Variants in TENM4 observed in about 807,000 individuals in gnomAD.
TENM4 encodes the protein teneurin-4.
Under a neutral mutation model 243.3 loss-of-function variants are expected in TENM4, and 82 were observed. That is an observed-to-expected ratio of 0.34 (90% CI 0.28 to 0.40). The LOEUF is 0.40. Ranked by LOEUF, TENM4 falls within the 10% of genes least tolerant of loss-of-function variation. TENM4 has a pLI of 1.00. For missense variants in TENM4, 3,138 were observed against 3,673.3 expected (o/e 0.85, Z 3.77); for synonymous variants, 1,412 against 1,456.3 (o/e 0.97, Z 0.69).
Position 78,699,190 on chromosome 11 carries a change from A to T in TENM4, c.5087+2336T>A, listed in dbSNP as rs1427598291. Among the ~76,000 whole-genome samples the T allele has an allele frequency of 2.6e-5, 4 of 152,352 alleles. No individual in the cohort carries two copies. In the East Asian group the frequency reaches 7.7e-4, roughly 29 times the overall value. ...GCTATCATTTGAGTACTTATAATCA[A>T]TCAGACACTGAGCTTTCCATATTTT... is the stretch of plus-strand genomic sequence containing the variant. On this transcript the variant is annotated intron_variant, in intron 28 of 33. Coordinates refer to ENST00000278550, the MANE Select transcript of TENM4 (RefSeq NM_001098816.3).
intron 2 of TENM4, among the ~76,000 whole-genome samples, chr11:79,290,822 G>A (rs1476243704): frequency 6.6e-6 from 1 of 152,174 alleles, no homozygotes; most frequent in African/African-American, 2.4e-5. Context: ...AGGGAAAGAT[G>A]TGACATTTAA....
intron 2 of TENM4, among the ~76,000 whole-genome samples, chr11:79,244,605 C>T (rs1008167913): frequency 3.3e-5 from 5 of 152,172 alleles, no homozygotes; most frequent in Non-Finnish European, 5.9e-5. Context: ...ATTATGTTGT[C>T]GAACAGAGCT....
chr11:78,830,533 G>A (rs887612788), intron 12 of TENM4, among the ~76,000 whole-genome samples: 1 of 152,220 alleles, frequency 6.6e-6, no homozygotes, highest in African/African-American at 2.4e-5. Context: ...CCCCCCTGCT[G>A]AGCCCTCCAT....
At chr11:78,912,764 T>C (rs1028474506) in intron 6 of TENM4, among the ~76,000 whole-genome samples, 4 of 152,224 alleles carry the variant, frequency 2.6e-5, no homozygotes, top group Non-Finnish European at 4.4e-5. Context: ...AACAATGCTC[T>C]CTATTCCTAG....
chr11:79,356,018 G>A (rs1367991907), intron 1 of TENM4, among the ~76,000 whole-genome samples: 1 of 152,166 alleles, frequency 6.6e-6, no homozygotes, highest in Admixed American at 6.5e-5. Context: ...ACTGCCTCGA[G>A]GGCCCACAGA....
At chr11:79,066,261 T>A (rs866496236) in intron 5 of TENM4, among the ~76,000 whole-genome samples, 9 of 152,052 alleles carry the variant, frequency 5.9e-5, no homozygotes, top group Middle Eastern at 3.2e-3. Flanking sequence ...AGGTTTGCGA[T>A]GAGAGTGAAT....
In TENM4 at chr11:78,669,070, G is replaced by A. The variant is rs766780871; in HGVS notation, c.7275C>T (p.Ala2425=). ...CGTGGTCTGGGCTAGTCCAGCGTCC[G>A]GCCAGCACATCATAATCTCGCCGGC... ...HMGRRDYDVL[A]GRWTSPDHEL... is the part of the protein sequence containing the mutation. The change falls in exon 32 of 34, where the codon GCC becomes GCT. Residue 2425 remains alanine (A), a synonymous_variant. Transcript: ENST00000278550. The surrounding 1 kb of genome is among the most constrained non-coding windows in gnomAD (Gnocchi z 6.4). 21 of 1,613,726 alleles carry A rather than the reference G, an allele frequency of 1.3e-5. No homozygotes were observed. The highest frequency in any genetic ancestry group is 1.2e-4 in the South Asian group (11 of 91,046).
At chr11:79,200,180 A>T (rs1160278121) in intron 3 of TENM4, among the ~76,000 whole-genome samples, 1 of 152,178 alleles carries the variant, frequency 6.6e-6, no homozygotes, top group East Asian at 1.9e-4. Context: ...GTCTCTAGGG[A>T]TGCCAACGCA....
At chr11:79,157,463 T>G (rs1862646589) in intron 3 of TENM4, among the ~76,000 whole-genome samples, 1 of 152,078 alleles carries the variant, frequency 6.6e-6, no homozygotes, top group Non-Finnish European at 1.5e-5. Context: ...GTGTGCCGAG[T>G]CCCTACAGCA....
At chr11:78,878,372 C>T (rs1859326568) in intron 9 of TENM4, among the ~76,000 whole-genome samples, 1 of 152,146 alleles carries the variant, frequency 6.6e-6, no homozygotes, top group Admixed American at 6.6e-5. Context: ...ATTAAACGAT[C>T]CACGTCACAG....
intron 5 of TENM4, 96 bp downstream of exon 5, chr11:79,069,626 G>T (rs1487900681): frequency 4.9e-6 from 7 of 1,434,852 alleles, no homozygotes; most frequent in Non-Finnish European, 6.4e-6. Flanking sequence ...CAGCTCACCT[G>T]TGCCACGCCC....
At chr11:78,736,599 T>C (rs191693819) in intron 20 of TENM4, among the ~76,000 whole-genome samples, 1 of 152,142 alleles carries the variant, frequency 6.6e-6, no homozygotes, top group Non-Finnish European at 1.5e-5. Flanking sequence ...CACACTGTTA[T>C]TTCCAGACTA....
chr11:78,936,953 GTTAA>G (rs1856799613), intron 6 of TENM4, among the ~76,000 whole-genome samples: 1 of 152,108 alleles, frequency 6.6e-6, no homozygotes, highest in African/African-American at 2.4e-5. Context: ...GCAAAAAAGG[GTTAA>G]TTAAGGAACT....
At chr11:79,283,542 C>G (rs1413433979) in intron 2 of TENM4, among the ~76,000 whole-genome samples, 1 of 152,082 alleles carries the variant, frequency 6.6e-6, no homozygotes, top group East Asian at 1.9e-4. Flanking sequence ...ACCCAACAAA[C>G]TATAAATAGA....
Position 78,712,688 on chromosome 11 carries a change from A to G in TENM4, c.3848T>C (p.Leu1283Pro). Residue 1283 changes from leucine (L) to proline (P), a missense_variant, in exon 26 of 34, where the codon CTG (leucine) becomes CCG (proline). Transcript: ENST00000278550. ...HSHSPAHKYY[L>P]ATDPMSGAVF... ...GGCCCCACTCATGGGGTCTGTGGCC[A>G]GGTAGTATTTGTGTGCTGGACTGTG... is the stretch of plus-strand genomic sequence containing the variant. The G allele has an allele frequency of 6.2e-7, 1 of 1,614,030 alleles. No individual in the cohort carries two copies. Among genetic ancestry groups the G allele is most frequent in the Non-Finnish European group, 8.5e-7 (1 of 1,179,890 alleles).
At chr11:79,252,914 G>GCTACTGA (rs1234419216) in intron 2 of TENM4, among the ~76,000 whole-genome samples, 2 of 152,324 alleles carry the variant, frequency 1.3e-5, no homozygotes. Flanking sequence ...ATTGTTTTAA[G>GCTACTGA]CTACTGAATT....
rs561825437 is a variant in TENM4 at position 78,822,763 on chromosome 11, C to T, written c.1682-8368G>A. On this transcript the variant is annotated intron_variant, in intron 12 of 33. Transcript: ENST00000278550. ...TTTTTAAAAAAAGAAAAACAATAGA[C>T]AAGAAATAGGAACTAAGGGCTGATT... Among the ~76,000 whole-genome samples, 12 of 152,024 alleles carry T rather than the reference C, an allele frequency of 7.9e-5. No individual in the cohort carries two copies. The South Asian group carries it at 2.5e-3, about 32-fold the overall frequency.
Position 78,913,583 on chromosome 11 carries a change from A to ATGTGTGTGTG in TENM4, c.494-10070_494-10061dup, listed in dbSNP as rs55835050. Among the ~76,000 whole-genome samples, 241 of 141,932 alleles carry ATGTGTGTGTG rather than the reference A, an allele frequency of 1.7e-3. 1 individual carries two copies. Among genetic ancestry groups the ATGTGTGTGTG allele is most frequent in the African/African-American group, 5.4e-3 (200 of 37,288 alleles). The allele number at this position is 141,932 out of a possible 152,430, so 93.1% of individuals were successfully genotyped here. ...GAACCATAGTTGATGGGTAAGAGGTATGTGTGTGTGTGTGTGTGTGTGTGT... is the reference window on the plus strand; with the variant it reads ...GAACCATAGTTGATGGGTAAGAGGTATGTGTGTGTGTGTGTGTGTGTGTGTGTGTGTGTGT... On this transcript the variant is annotated intron_variant, in intron 6 of 33. Transcript: ENST00000278550.
intron 12 of TENM4, among the ~76,000 whole-genome samples, chr11:78,822,635 A>T (rs1246530893): frequency 6.6e-6 from 1 of 152,144 alleles, no homozygotes; most frequent in African/African-American, 2.4e-5. Context: ...TAATATCTAG[A>T]TGACAGGTTG....
Sources: allele counts gnomAD v4.1 joint callset (sites outside exome capture counted in the v4.1 genomes callset), GRCh38; gene constraint gnomAD v4.1.1; non-coding constraint Gnocchi (gnomAD v3.1); transcripts MANE v1.5; gene names NCBI Gene and HGNC (gene_info 2026-07-23, HGNC 2026-07-21).